The following DNM3 variants were observed in gnomAD, a reference collection of about 807,000 sequenced individuals.
DNM3 encodes the protein dynamin 3, also known as dynamin-3.
DNM3 carries 47 observed loss-of-function variants against 101.6 expected under a neutral mutation model. The ratio of observed to expected loss-of-function variants is 0.46; its 90% confidence interval spans 0.37 to 0.59. The LOEUF is 0.59. Ranked by LOEUF, DNM3 falls within the 20% of genes least tolerant of loss-of-function variation. The probability of loss-of-function intolerance (pLI) is 0.00; values close to 1 mark genes in which losing one functional copy is unlikely to be tolerated. For synonymous variants in DNM3, 385 were observed against 387.9 expected, an observed-to-expected ratio of 0.99 and a Z score of 0.09; for missense variants, 849 against 1,085.7, an observed-to-expected ratio of 0.78 and a Z score of 3.06.
At chr1:172,372,783 A>C (rs887516848) in intron 17 of DNM3, among the ~76,000 whole-genome samples, 6 of 145,716 alleles carry the variant, frequency 4.1e-5, no homozygotes, top group Non-Finnish European at 1.5e-5. Flanking sequence ...TCCCAGGCTC[A>C]AGTGATCCTC....
chr1:172,186,419 T>C (rs1471678385), intron 14 of DNM3, among the ~76,000 whole-genome samples: 1 of 151,872 alleles, frequency 6.6e-6, no homozygotes, highest in Non-Finnish European at 1.5e-5. Context: ...AAATGCAGTT[T>C]CCATTCTCCT....
chr1:172,342,081 G>A (rs1403850767), intron 17 of DNM3, among the ~76,000 whole-genome samples: 3 of 152,034 alleles, frequency 2.0e-5, no homozygotes, highest in East Asian at 3.8e-4. Context: ...CAGTCAGTAT[G>A]GCTACTATTA....
chr1:172,416,186 C>T (rs922430678), downstream of DNM3, among the ~76,000 whole-genome samples: 6 of 152,094 alleles, frequency 3.9e-5, no homozygotes, highest in Non-Finnish European at 7.4e-5. Context: ...CTCAGTATTC[C>T]AATTTAGTAC....
intron 1 of DNM3, among the ~76,000 whole-genome samples, chr1:171,914,715 G>A (rs2039577290): frequency 6.6e-6 from 1 of 152,170 alleles, no homozygotes; most frequent in South Asian, 2.1e-4. Context: ...ATAATGCCTT[G>A]TAGCTGTCTG....
chr1:172,232,015 C>G (rs964011995), intron 14 of DNM3, among the ~76,000 whole-genome samples: 1 of 152,002 alleles, frequency 6.6e-6, no homozygotes, highest in African/African-American at 2.4e-5. Flanking sequence ...TTGGAAAACA[C>G]TCTGCAAGAT....
chr1:172,368,541 A>G (rs962847503), intron 17 of DNM3, among the ~76,000 whole-genome samples: 2 of 151,954 alleles, frequency 1.3e-5, no homozygotes, highest in Non-Finnish European at 2.9e-5. Flanking sequence ...TTTCAAATAA[A>G]CAACTTAATG....
chr1:172,085,745 T>C (rs1411596388), intron 12 of DNM3, among the ~76,000 whole-genome samples: 1 of 152,198 alleles, frequency 6.6e-6, no homozygotes, highest in Non-Finnish European at 1.5e-5. Context: ...TATTGCCGTT[T>C]TACTGAAGGC....
intron 14 of DNM3, among the ~76,000 whole-genome samples, chr1:172,231,415 A>C (rs2061332086): frequency 6.6e-6 from 1 of 152,146 alleles, no homozygotes; most frequent in African/African-American, 2.4e-5. Flanking sequence ...AACAAACAGA[A>C]AGGACATCCA....
chr1:172,069,252 G>A (rs2051962178), intron 11 of DNM3, among the ~76,000 whole-genome samples: 1 of 151,990 alleles, frequency 6.6e-6, no homozygotes, highest in South Asian at 2.1e-4. Flanking sequence ...TTCTCTTTAA[G>A]ACAGAGGTTC....
At chr1:172,049,063 G>A (rs1410688850) in intron 10 of DNM3, among the ~76,000 whole-genome samples, 1 of 152,162 alleles carries the variant, frequency 6.6e-6, no homozygotes, top group Non-Finnish European at 1.5e-5. Context: ...TTCCTGTGGT[G>A]CATGGATGAG....
intron 7 of DNM3, among the ~76,000 whole-genome samples, chr1:172,040,226 C>T (rs992999201): frequency 6.6e-6 from 1 of 152,068 alleles, no homozygotes; most frequent in Non-Finnish European, 1.5e-5. Context: ...TATGTCATAC[C>T]TCTCCAGGTG....
intron 10 of DNM3, among the ~76,000 whole-genome samples, chr1:172,062,221 T>G (rs772786330): frequency 3.3e-5 from 5 of 152,200 alleles, no homozygotes; most frequent in African/African-American, 1.2e-4. Context: ...CTACCAGAGA[T>G]AAACTTGGGA....
At chr1:172,273,352 C>T (rs988531654) in intron 15 of DNM3, among the ~76,000 whole-genome samples, 1 of 151,950 alleles carries the variant, frequency 6.6e-6, no homozygotes, top group Non-Finnish European at 1.5e-5. Context: ...AAGGAAAATA[C>T]ATTTTCTTTT....
chr1:172,251,337 AAGACTTTTTAGAAATATCCATGAT>A (rs1557882634), intron 14 of DNM3, among the ~76,000 whole-genome samples: 2 of 79,144 alleles, frequency 2.5e-5, no homozygotes, highest in African/African-American at 6.9e-5. Context: ...CCAAAGCACC[AAGACTTTTTAGAAATATCCATGAT>A]ATACTTTTTT....
At chr1:172,404,938 A>G (rs1238729841) in intron 20 of DNM3, among the ~76,000 whole-genome samples, 1 of 152,122 alleles carries the variant, frequency 6.6e-6, no homozygotes, top group Non-Finnish European at 1.5e-5. Context: ...AATCTATGCA[A>G]TATATAACTG....
intron 15 of DNM3, among the ~76,000 whole-genome samples, chr1:172,303,810 T>C (rs903535371): frequency 6.6e-6 from 1 of 152,032 alleles, no homozygotes; most frequent in Admixed American, 6.6e-5. Flanking sequence ...AATAAAATCC[T>C]TTACAGACAA....
intron 2 of DNM3, among the ~76,000 whole-genome samples, chr1:171,980,007 C>A (rs1053391397): frequency 6.6e-6 from 1 of 152,178 alleles, no homozygotes; most frequent in African/African-American, 2.4e-5. Flanking sequence ...ACCTGCTTGG[C>A]ACCAGCTTTT....
intron 10 of DNM3, among the ~76,000 whole-genome samples, chr1:172,065,611 G>C (rs2051591455): frequency 6.6e-6 from 1 of 152,142 alleles, no homozygotes; most frequent in Admixed American, 6.6e-5. Flanking sequence ...TGGGAAGTAT[G>C]AGCTCCATTT....
intron 14 of DNM3, among the ~76,000 whole-genome samples, chr1:172,179,787 C>T (rs1297754512): frequency 6.6e-6 from 1 of 151,940 alleles, no homozygotes; most frequent in African/African-American, 2.4e-5. Context: ...TCATATCTCA[C>T]ATTTTAATCT....
Sources: gnomAD v4.1 joint callset for allele counts (sites outside exome capture counted in the v4.1 genomes callset) on GRCh38, gnomAD v4.1.1 for gene constraint, MANE v1.5 for transcripts, NCBI Gene and HGNC (gene_info 2026-07-23, HGNC 2026-07-21) for gene names.